Variants in SLC15A2 observed in about 807,000 individuals in gnomAD.
SLC15A2 encodes the protein kidney H(+)/peptide cotransporter.
In SLC15A2, 77 loss-of-function variants were observed where a neutral mutation model predicts 95.5. That is an observed-to-expected ratio of 0.81 (90% CI 0.67 to 0.97). The LOEUF (loss-of-function observed/expected upper bound fraction) is 0.97. SLC15A2 is among the 50% of genes least tolerant of loss of function. SLC15A2 has a pLI of 0.00. For missense variants in SLC15A2, 893 were observed against 874.4 expected, an observed-to-expected ratio of 1.02 and a Z score of -0.27; for synonymous variants, 306 against 306.9, an observed-to-expected ratio of 1.00 and a Z score of 0.03.
intron 19 of SLC15A2, among the ~76,000 whole-genome samples, chr3:121,937,087 T>C (rs1229200123): frequency 1.2e-4 from 16 of 133,438 alleles, no homozygotes; most frequent in Non-Finnish European, 1.9e-4. Context: ...ATGTTGAATA[T>C]TGGCCCCCAC....
chr3:121,922,761 A>T lies in SLC15A2; in HGVS notation c.781-14A>T. The stretch of plus-strand genomic sequence containing the variant: ...TCTCTTTGTCTCTCCCATGATGTCT[A>T]CTCTCTGCCCTAGTTTGCTATTTCC... On this transcript the variant is annotated splice_polypyrimidine_tract_variant and intron_variant, in intron 8 of 21. Transcript: ENST00000489711. The T allele has an allele frequency of 6.2e-7, 1 of 1,604,860 alleles. No individual in the cohort carries two copies. Among genetic ancestry groups the T allele is most frequent in the South Asian group, 1.1e-5 (1 of 90,566 alleles).
At position 121,940,920 on chromosome 3, in the gene SLC15A2, A is replaced by G; in HGVS notation, c.2103A>G (p.Thr701=). 3 of 1,614,200 alleles carry G rather than the reference A, an allele frequency of 1.9e-6. No individual in the cohort carries two copies. The highest frequency in any genetic ancestry group is 2.5e-6 in the Non-Finnish European group (3 of 1,180,014). The change falls in exon 22 of 22, where the codon ACA becomes ACG. Residue 701 remains threonine (T), a synonymous_variant. Coordinates refer to ENST00000489711, the MANE Select transcript of SLC15A2 (RefSeq NM_021082.4). ...GCTACTACTATGTTCCTGTAAAGAC[A>G]GAGGATATGCGGGGTCCAGCAGATA... ...IMGYYYVPVK[T]EDMRGPADKH... is the part of the protein sequence containing the mutation.
Position 121,930,917 on chromosome 3 carries a change from G to A in SLC15A2, c.1631G>A (p.Gly544Asp), listed in dbSNP as rs761719768. 4 of 1,612,902 alleles carry A rather than the reference G, an allele frequency of 2.5e-6. No homozygotes were observed. The highest frequency in any genetic ancestry group is 1.1e-5 in the South Asian group (1 of 91,052). ...TCTCTCAATGTTGGTGAAGACTATG[G>A]TGTGTCTGCTTATAGAACTGTGCAA... ...DTSLNVGEDYGVSAYRTVQRG... is the reference protein window; with the variant it reads ...DTSLNVGEDYDVSAYRTVQRG... Residue 544 changes from glycine to aspartate, a missense_variant, in exon 18 of 22, where the codon GGT becomes GAT. Transcript: ENST00000489711.
chr3:121,928,580 A>G (rs1710168222), intron 15 of SLC15A2, 25 bp downstream of exon 15: 2 of 1,609,886 alleles, frequency 1.2e-6, no homozygotes, highest in East Asian at 4.5e-5. Context: ...TGAATGAATT[A>G]GAAACTCTGT....
intron 7 of SLC15A2, among the ~76,000 whole-genome samples, chr3:121,921,925 A>G (rs1710012958): frequency 6.6e-6 from 1 of 152,328 alleles, no homozygotes; most frequent in South Asian, 2.1e-4. Context: ...TGATTACATG[A>G]AAGTCTCAAT....
intron 8 of SLC15A2, 72 bp from the exon 9 acceptor site, chr3:121,922,703 G>A: frequency 9.8e-7 from 1 of 1,020,424 alleles, no homozygotes; most frequent in East Asian, 2.5e-5. Context: ...TTGAAGGAAG[G>A]TATAATAAGT....
chr3:121,903,450 T>C (rs1377197071), intron 3 of SLC15A2, among the ~76,000 whole-genome samples: 8 of 152,088 alleles, frequency 5.3e-5, no homozygotes, highest in Middle Eastern at 3.2e-3. Context: ...AATGGTAATG[T>C]CTAGGTTTTC....
At chr3:121,914,506 T>G (rs991345313) in intron 5 of SLC15A2, among the ~76,000 whole-genome samples, 1 of 152,146 alleles carries the variant, frequency 6.6e-6, no homozygotes, top group Non-Finnish European at 1.5e-5. Flanking sequence ...AGGTGAACTA[T>G]CCTCCTTCAT....
rs769832128 is a variant in SLC15A2, at chr3:121,915,670, G to T, written c.674G>T (p.Gly225Val). The T allele has an allele frequency of 6.2e-7, 1 of 1,613,864 alleles. No homozygotes were observed. Among genetic ancestry groups the T allele is most frequent in the East Asian group, 2.2e-5 (1 of 44,866 alleles). The change falls in exon 7 of 22, where the codon GGA (glycine) becomes GTA (valine). Residue 225 changes from glycine to valine, a missense_variant. Transcript: ENST00000489711. ...TATGCATTGGCTTTTGGAGTTCCAGGACTGCTCATGGTAATTGCACTTGGT... is the reference window on the plus strand; with the variant it reads ...TATGCATTGGCTTTTGGAGTTCCAGTACTGCTCATGGTAATTGCACTTGGT... The part of the protein sequence containing the change: ...DCYALAFGVP[G>V]LLMVIALVVF...
intron 17 of SLC15A2, among the ~76,000 whole-genome samples, chr3:121,929,603 C>T (rs1011748654): frequency 2.0e-5 from 3 of 152,068 alleles, no homozygotes; most frequent in African/African-American, 7.2e-5. Context: ...TGAATTTTAT[C>T]TATTTATCTT....
intron 19 of SLC15A2, among the ~76,000 whole-genome samples, chr3:121,932,491 T>C (rs1710252708): frequency 1.3e-5 from 2 of 152,186 alleles, no homozygotes; most frequent in Admixed American, 1.3e-4. Flanking sequence ...ATAATGTCAA[T>C]CCCTACACAA....
intron 3 of SLC15A2, among the ~76,000 whole-genome samples, chr3:121,909,026 C>G (rs933058083): frequency 3.3e-5 from 5 of 151,884 alleles, no homozygotes; most frequent in African/African-American, 1.2e-4. Context: ...AAAAAAGTCA[C>G]TGTTCATTTA....
In SLC15A2 at chr3:121,941,511, C is replaced by A. The variant is rs2107616619; in HGVS notation, c.*504C>A. Reference sequence around the variant, plus strand: ...ATGATGTGATCTGGTCCAGCCAGGGCCTGGCTTGTCAGCTCTCTAGGTTTG... The same window carrying A: ...ATGATGTGATCTGGTCCAGCCAGGGACTGGCTTGTCAGCTCTCTAGGTTTG... On this transcript the variant is annotated 3_prime_UTR_variant, in exon 22 of 22. Transcript: ENST00000489711. 1 of 152,240 alleles carries A rather than the reference C, an allele frequency of 6.6e-6. No homozygotes were observed. The highest frequency in any genetic ancestry group is 3.4e-3 in the Middle Eastern group (1 of 296). 9.4% of individuals were successfully genotyped at this position (152,240 alleles called of 1,614,324 possible). A position where few individuals can be genotyped will look rare whatever the true frequency, so the allele number is the denominator to read the frequency against.
intron 20 of SLC15A2, among the ~76,000 whole-genome samples, chr3:121,940,138 G>A (rs1710432874): frequency 6.6e-6 from 1 of 152,102 alleles, no homozygotes; most frequent in Non-Finnish European, 1.5e-5. Context: ...ATAAGAATAC[G>A]AATAGAACTT....
intron 19 of SLC15A2, among the ~76,000 whole-genome samples, chr3:121,936,822 T>C (rs1710357882): frequency 6.9e-6 from 1 of 144,810 alleles, no homozygotes; most frequent in Admixed American, 7.0e-5. Context: ...GTTAGCTGGT[T>C]ATTTTGCTCG....
Position 121,940,945 on chromosome 3 carries a change from A to G in SLC15A2, c.2128A>G (p.Lys710Glu). 1.2e-6 allele frequency: 2 copies of G among 1,614,198 alleles called. No homozygotes were observed. Among genetic ancestry groups the G allele is most frequent in the Non-Finnish European group, 1.7e-6 (2 of 1,180,010 alleles). The change falls in exon 22 of 22, where the codon AAG becomes GAG. Residue 710 changes from lysine to glutamate, a missense_variant. Physicochemically the swap from Lys to Glu is moderately conservative, Grantham distance 56. Coordinates refer to ENST00000489711, the MANE Select transcript of SLC15A2 (RefSeq NM_021082.4). ...KTEDMRGPAD[K>E]HIPHIQGNMI... is the part of the protein sequence containing the mutation. ...AGAGGATATGCGGGGTCCAGCAGAT[A>G]AGCACATTCCTCACATCCAGGGGAA...
intron 7 of SLC15A2, among the ~76,000 whole-genome samples, chr3:121,921,975 G>C (rs1238614065): frequency 6.6e-6 from 1 of 152,140 alleles, no homozygotes; most frequent in African/African-American, 2.4e-5. Context: ...GTCTTCTCTT[G>C]GCTCCTGCAA....
At chr3:121,928,254 C>A in intron 14 of SLC15A2, 167 bp from the exon 15 acceptor site, 1 of 729,646 alleles carries the variant, frequency 1.4e-6, no homozygotes, top group East Asian at 2.7e-5. Context: ...TGATGTTTCC[C>A]TCTCCAAGCT....
intron 17 of SLC15A2, 55 bp from the exon 18 acceptor site, chr3:121,930,785 T>A: frequency 1.7e-6 from 2 of 1,180,846 alleles, no homozygotes. Flanking sequence ...GCCCCTAACC[T>A]CTTTTATCAG....
Sources: gnomAD v4.1 joint callset for allele counts (sites outside exome capture counted in the v4.1 genomes callset) on GRCh38, gnomAD v4.1.1 for gene constraint, MANE v1.5 for transcripts, NCBI Gene and HGNC (gene_info 2026-07-23, HGNC 2026-07-21) for gene names.